HIP1R: variants seen among roughly 807,000 people sequenced by gnomAD.
HIP1R encodes the protein huntingtin-interacting protein 1-related protein.
In HIP1R, 135 loss-of-function variants were observed where a neutral mutation model predicts 144.2. The observed-to-expected ratio is 0.94, with a 90% CI of 0.81 to 1.08. HIP1R has a LOEUF of 1.08. Among genes scored for constraint, HIP1R ranks in the 50% least tolerant of loss-of-function variants. The pLI, the probability that HIP1R is intolerant of heterozygous loss-of-function variation, is 0.00. For synonymous variants in HIP1R, 698 were observed against 612.8 expected (o/e 1.14, Z -2.05); for missense variants, 1,462 against 1,432.8 (o/e 1.02, Z -0.33).
chr12:122,861,554 G>A (rs919729578), intron 31 of HIP1R, 40 bp downstream of exon 31: 4 of 1,586,810 alleles, frequency 2.5e-6, no homozygotes, highest in Non-Finnish European at 3.4e-6. Context: ...CTGGACGGGG[G>A]TGCTGTCCCC....
chr12:122,853,838 CCTT>C, intron 7 of HIP1R: 1 of 538,126 alleles, frequency 1.9e-6, no homozygotes, highest in Non-Finnish European at 3.2e-6. Context: ...TTTGCCCTGA[CCTT>C]GTTGTTGCCG....
At position 122,861,024 on chromosome 12, in the gene HIP1R, C is replaced by T. The variant is rs2033753662; in HGVS notation, c.2875C>T (p.Gln959Ter). 6 of 1,613,726 alleles carry T rather than the reference C, an allele frequency of 3.7e-6. No individual in the cohort carries two copies. Among genetic ancestry groups the T allele is most frequent in the Non-Finnish European group, 5.1e-6 (6 of 1,180,014 alleles). Residue 959 changes from glutamine to a stop codon, truncating the protein, a stop_gained, in exon 29 of 32, where the codon CAG becomes TAG. Coordinates refer to ENST00000253083, the MANE Select transcript of HIP1R (RefSeq NM_003959.3). LOFTEE classifies it high-confidence loss of function. Reference protein sequence around the residue: ...VVASTKSGQEQIEDRDTMDFS... With the variant: ...VVASTKSGQE ...GGCCTCCACCAAGTCAGGCCAGGAGCAGATTGAGGACAGAGGTGAGTGCCA... is the reference window on the plus strand; with the variant it reads ...GGCCTCCACCAAGTCAGGCCAGGAGTAGATTGAGGACAGAGGTGAGTGCCA...
rs1566107113 is a variant in HIP1R, at chr12:122,851,266, C to T, written c.546C>T (p.Tyr182=). The change falls in exon 7 of 32, where the codon TAC becomes TAT. Residue 182 remains tyrosine (Y), a synonymous_variant. Transcript: ENST00000253083. The part of the protein sequence containing the change: ...IFQLTVEMFD[Y]MDCELKLSES... ...AGCTCACTGTGGAGATGTTTGATTA[C>T]ATGGATTGTGAGCTGAAGCTTTCTG... The T allele has an allele frequency of 6.4e-7, 1 of 1,553,576 alleles. No individual in the cohort carries two copies. Among genetic ancestry groups the T allele is most frequent in the African/African-American group, 1.4e-5 (1 of 71,114 alleles).
intron 17 of HIP1R, 143 bp from the exon 18 acceptor site, chr12:122,856,878 A>C (rs2135671289): frequency 3.9e-6 from 4 of 1,028,852 alleles, no homozygotes; most frequent in Non-Finnish European, 5.7e-6. Flanking sequence ...CATGGGAGAC[A>C]GGACCTACCG....
At chr12:122,841,623 C>T (rs2033062736) in intron 1 of HIP1R, among the ~76,000 whole-genome samples, 1 of 152,178 alleles carries the variant, frequency 6.6e-6, no homozygotes. Context: ...TAAACATGAT[C>T]CTCAAACTGC....
chr12:122,859,381 G>T (rs752493293), intron 22 of HIP1R, 45 bp from the exon 23 acceptor site: 57 of 1,477,140 alleles, frequency 3.9e-5, no homozygotes, highest in Middle Eastern at 3.5e-4. Context: ...CCCGTGGGAC[G>T]GGGGGGGACG....
Position 122,861,165 on chromosome 12 carries a change from G to T in HIP1R, c.2925G>T (p.Lys975Asn). The T allele has an allele frequency of 6.2e-7, 1 of 1,612,038 alleles. No individual in the cohort carries two copies. ...TMDFSGLSLIKLKKQEMETQV... is the reference protein window; with the variant it reads ...TMDFSGLSLINLKKQEMETQV... ...ATTTCTCCGGCCTGTCCCTCATCAA[G>T]CTGAAGAAGCAGGAGATGGAGACCC... The change falls in exon 30 of 32, where the codon AAG (lysine) becomes AAT (asparagine). Residue 975 changes from lysine (K) to asparagine (N), a missense_variant. Physicochemically the swap from Lys to Asn is moderately conservative, Grantham distance 94. Transcript: ENST00000253083.
chr12:122,842,104 A>G (rs1157770470), intron 1 of HIP1R, among the ~76,000 whole-genome samples: 1 of 152,110 alleles, frequency 6.6e-6, no homozygotes, highest in Non-Finnish European at 1.5e-5. Context: ...TTGCTCTGTC[A>G]ATGGCCTTTG....
rs776799421 is a variant in HIP1R at position 122,856,171 on chromosome 12, G to T, written c.1312+8G>T. The T allele has an allele frequency of 6.2e-6, 10 of 1,607,698 alleles. No homozygotes were observed. The highest frequency in any genetic ancestry group is 6.8e-6 in the Non-Finnish European group (8 of 1,177,404). On this transcript the variant is annotated splice_region_variant and intron_variant, in intron 14 of 31. Transcript: ENST00000253083. Reference sequence around the variant, plus strand: ...TGCGTGAGGAGGCTGAGAGTACGTGGGGCCTTGGCCACAGGGGTCCAAGGG... The same window carrying T: ...TGCGTGAGGAGGCTGAGAGTACGTGTGGCCTTGGCCACAGGGGTCCAAGGG...
chr12:122,861,694 TA>T lies in HIP1R; in HGVS notation c.3160-10del. On this transcript the variant is annotated splice_polypyrimidine_tract_variant and intron_variant, in intron 31 of 31. Coordinates refer to ENST00000253083, the MANE Select transcript of HIP1R (RefSeq NM_003959.3). ...GCTGTGACCACTGACCCCCCACCTT[TA>T]ACCCCTGCAGCTTGACAAAAAGGAT... The T allele has an allele frequency of 3.1e-6, 5 of 1,614,054 alleles. No individual in the cohort carries two copies. Among genetic ancestry groups the T allele is most frequent in the Non-Finnish European group, 4.2e-6 (5 of 1,179,980 alleles).
intron 1 of HIP1R, among the ~76,000 whole-genome samples, chr12:122,842,633 G>A (rs985223031): frequency 1.3e-5 from 2 of 152,238 alleles, no homozygotes; most frequent in East Asian, 3.9e-4. Flanking sequence ...CGGGGTTGGC[G>A]TGTGGGGCAG....
At chr12:122,857,773 C>G in intron 18 of HIP1R, 1 of 319,204 alleles carries the variant, frequency 3.1e-6, no homozygotes, top group Non-Finnish European at 5.7e-6. Context: ...TTTAGCCATC[C>G]TAGTGGGTGT....
chr12:122,857,352 T>G, intron 18 of HIP1R, 137 bp downstream of exon 18: 1 of 828,174 alleles, frequency 1.2e-6, no homozygotes, highest in Admixed American at 2.1e-5. Flanking sequence ...GTGTCCGGCT[T>G]CTTCACTCAG....
chr12:122,859,314 G>C, intron 22 of HIP1R, 112 bp from the exon 23 acceptor site: 1 of 1,474,476 alleles, frequency 6.8e-7, no homozygotes, highest in Non-Finnish European at 9.3e-7. Context: ...CAGGACACAG[G>C]GTGGGGACCA....
chr12:122,844,088 C>T (rs1442395253), intron 1 of HIP1R, among the ~76,000 whole-genome samples: 1 of 152,184 alleles, frequency 6.6e-6, no homozygotes, highest in Non-Finnish European at 1.5e-5. Flanking sequence ...ATCCACCTGC[C>T]TCGGTCTCCC....
intron 1 of HIP1R, among the ~76,000 whole-genome samples, chr12:122,839,684 A>G (rs773498225): frequency 3.3e-5 from 5 of 152,260 alleles, no homozygotes; most frequent in Non-Finnish European, 5.9e-5. Flanking sequence ...AGAAAAGTCA[A>G]CAGAAACAGG....
At chr12:122,848,155 T>C in intron 2 of HIP1R, 61 bp downstream of exon 2, 1 of 1,561,096 alleles carries the variant, frequency 6.4e-7, no homozygotes, top group Non-Finnish European at 8.8e-7. Context: ...AGCGTAGTGC[T>C]GCAGGTGGCC....
At position 122,861,763 on chromosome 12, in the gene HIP1R, G is replaced by A; in HGVS notation, c.*10G>A. The A allele has an allele frequency of 6.2e-7, 1 of 1,613,670 alleles. No homozygotes were observed. The highest frequency in any genetic ancestry group is 8.5e-7 in the Non-Finnish European group (1 of 1,179,762). ...ACTCGTGAACTACTAGGCCCCCCAG[G>A]GGTCCAGCAGGGTGGCTGGTGACAG... On this transcript the variant is annotated 3_prime_UTR_variant, in exon 32 of 32. Coordinates refer to ENST00000253083, the MANE Select transcript of HIP1R (RefSeq NM_003959.3).
At chr12:122,843,428 A>G (rs1166626134) in intron 1 of HIP1R, among the ~76,000 whole-genome samples, 1 of 152,346 alleles carries the variant, frequency 6.6e-6, no homozygotes, top group East Asian at 1.9e-4. Flanking sequence ...GGCCCAGTAC[A>G]AGGCTGAGCT....
Sources: gnomAD v4.1 joint callset for allele counts (sites outside exome capture counted in the v4.1 genomes callset) on GRCh38, gnomAD v4.1.1 for gene constraint, MANE v1.5 for transcripts, NCBI Gene and HGNC (gene_info 2026-07-23, HGNC 2026-07-21) for gene names.